LRMDA: variants seen among roughly 807,000 people sequenced by gnomAD.
LRMDA encodes the protein leucine-rich melanocyte differentiation-associated protein.
Under a neutral mutation model 29.8 loss-of-function variants are expected in LRMDA, and 18 were observed. The ratio of observed to expected loss-of-function variants is 0.60; its 90% CI spans 0.42 to 0.90. LRMDA has a LOEUF of 0.90. LRMDA is among the 40% of genes least tolerant of loss of function. LRMDA has a pLI of 0.00. For missense variants in LRMDA, 273 were observed against 273.9 expected (o/e 1.00, Z 0.02); for synonymous variants, 125 against 109.4 (o/e 1.14, Z -0.89).
intron 2 of LRMDA, among the ~76,000 whole-genome samples, chr10:75,608,246 T>C (rs1840984111): frequency 6.6e-6 from 1 of 151,748 alleles, no homozygotes; most frequent in South Asian, 2.1e-4. Context: ...AGAAGACTAC[T>C]GCATGATCTC....
At chr10:75,646,344 C>T (rs1841521071) in intron 2 of LRMDA, among the ~76,000 whole-genome samples, 1 of 152,156 alleles carries the variant, frequency 6.6e-6, no homozygotes, top group Admixed American at 6.5e-5. Flanking sequence ...CTCCCTTCTT[C>T]CACCTCCCTC....
In LRMDA at chr10:76,340,515, CA is replaced by C. The variant is rs1174024731; in HGVS notation, c.601+16052del. ...TAGGTGACAGAGTGAGAACCTGTAT[CA>C]AAAAAAAAAAAAAAAAAAAAAGAGA... On this transcript the variant is annotated intron_variant, in intron 6 of 6. Coordinates refer to ENST00000611255, the MANE Select transcript of LRMDA (RefSeq NM_001305581.2). 9.8e-4 allele frequency among the ~76,000 whole-genome samples: 74 copies of C among 75,756 alleles called. No individual in the cohort carries two copies. The South Asian group carries it at 0.017, about 18-fold the overall frequency. The allele number at this position is 75,756 out of a possible 152,430, so 49.7% of individuals were successfully genotyped here.
At chr10:76,272,669 A>C (rs752892330) in intron 5 of LRMDA, among the ~76,000 whole-genome samples, 2 of 152,154 alleles carry the variant, frequency 1.3e-5, no homozygotes, top group South Asian at 4.1e-4. Context: ...GGCCTGTATT[A>C]GTTTGTTCTC....
chr10:75,752,037 A>T (rs1322719718), intron 2 of LRMDA, among the ~76,000 whole-genome samples: 2 of 149,506 alleles, frequency 1.3e-5, no homozygotes, highest in Non-Finnish European at 3.0e-5. Flanking sequence ...ATAAATAAAT[A>T]TATATATATA....
chr10:76,339,260 C>T (rs11001733), intron 6 of LRMDA, among the ~76,000 whole-genome samples: 8,241 of 140,796 alleles, frequency 0.059, 320 homozygotes, highest in Non-Finnish European at 0.086. Flanking sequence ...AGACTTCCTT[C>T]CCCCTCCTTC....
chr10:76,186,237 G>A, intron 5 of LRMDA, among the ~76,000 whole-genome samples: 1 of 152,198 alleles, frequency 6.6e-6, no homozygotes, highest in East Asian at 1.9e-4. Flanking sequence ...GGCCTGGAAG[G>A]CAGAAATTCT....
intron 6 of LRMDA, among the ~76,000 whole-genome samples, chr10:76,330,965 A>T (rs948262680): frequency 1.3e-5 from 2 of 152,158 alleles, no homozygotes; most frequent in Admixed American, 1.3e-4. Context: ...CCTCTTGGTT[A>T]TCACTGACCA....
At chr10:76,120,090 G>A (rs533889671) in intron 5 of LRMDA, among the ~76,000 whole-genome samples, 2 of 151,904 alleles carry the variant, frequency 1.3e-5, no homozygotes, top group South Asian at 2.1e-4. Context: ...TCAATTACCT[G>A]TATAGCTTTT....
chr10:75,494,713 C>T, intron 2 of LRMDA, among the ~76,000 whole-genome samples: 1 of 152,046 alleles, frequency 6.6e-6, no homozygotes, highest in East Asian at 1.9e-4. Context: ...GTTGGCCAGG[C>T]TGGTCTTGAA....
chr10:75,537,309 A>G (rs1046262256), intron 2 of LRMDA, among the ~76,000 whole-genome samples: 3 of 152,136 alleles, frequency 2.0e-5, no homozygotes, highest in African/African-American at 7.2e-5. Context: ...GCCCCTGAGA[A>G]TACTCCTAAG....
intron 6 of LRMDA, among the ~76,000 whole-genome samples, chr10:76,418,501 G>C (rs1297228204): frequency 6.6e-6 from 1 of 151,942 alleles, no homozygotes; most frequent in Non-Finnish European, 1.5e-5. Context: ...TTTGAAGCCA[G>C]AAACCTTGCT....
chr10:76,134,435 T>C (rs1850056963), intron 5 of LRMDA, among the ~76,000 whole-genome samples: 1 of 152,180 alleles, frequency 6.6e-6, no homozygotes, highest in Non-Finnish European at 1.5e-5. Flanking sequence ...CTAAGACCCC[T>C]CCTAACATGG....
intron 2 of LRMDA, among the ~76,000 whole-genome samples, chr10:75,443,869 G>A (rs1844359666): frequency 6.6e-6 from 1 of 152,058 alleles, no homozygotes; most frequent in African/African-American, 2.4e-5. Context: ...CCCTATTATT[G>A]ATCTGCTTGG....
chr10:76,112,716 A>G (rs1471662518), intron 5 of LRMDA, among the ~76,000 whole-genome samples: 2 of 152,336 alleles, frequency 1.3e-5, no homozygotes, highest in Non-Finnish European at 1.5e-5. Context: ...CCCCAGTGCA[A>G]TCTTAATGCC....
chr10:75,732,318 A>G (rs374351696), intron 2 of LRMDA, among the ~76,000 whole-genome samples: 21 of 152,222 alleles, frequency 1.4e-4, no homozygotes, highest in African/African-American at 3.6e-4. Flanking sequence ...AGACCAAACC[A>G]TGGGTAGGAA....
At position 75,984,182 on chromosome 10, in the gene LRMDA, A is replaced by T. The variant is rs371694726; in HGVS notation, c.132-51826A>T. On this transcript the variant is annotated intron_variant, in intron 2 of 6. Coordinates refer to ENST00000611255, the MANE Select transcript of LRMDA (RefSeq NM_001305581.2). Reference sequence around the variant, plus strand: ...GTTCTTGCTGAGCTAATCTCCCTGCAGCAAGAGGACACTAAGTACTGGCCG... The same window carrying T: ...GTTCTTGCTGAGCTAATCTCCCTGCTGCAAGAGGACACTAAGTACTGGCCG... 6.6e-5 allele frequency among the ~76,000 whole-genome samples: 10 copies of T among 150,984 alleles called. No homozygotes were observed. In the East Asian group the frequency reaches 1.7e-3, roughly 26 times the overall value.
intron 2 of LRMDA, among the ~76,000 whole-genome samples, chr10:75,850,864 G>A (rs1383514840): frequency 1.3e-5 from 2 of 152,150 alleles, no homozygotes; most frequent in African/African-American, 2.4e-5. Flanking sequence ...AAACAGTAGT[G>A]TTCTGGGCAG....
intron 5 of LRMDA, among the ~76,000 whole-genome samples, chr10:76,151,472 A>G (rs1850442959): frequency 1.3e-5 from 2 of 151,986 alleles, no homozygotes; most frequent in Non-Finnish European, 2.9e-5. Flanking sequence ...TGTCTGTTTG[A>G]TACTAGAATG....
intron 6 of LRMDA, among the ~76,000 whole-genome samples, chr10:76,326,858 G>T (rs1840839479): frequency 6.6e-6 from 1 of 152,164 alleles, no homozygotes; most frequent in African/African-American, 2.4e-5. Context: ...GTTGCTTGTA[G>T]ATAATCCATA....
Sources: gnomAD v4.1 joint callset for allele counts (sites outside exome capture counted in the v4.1 genomes callset) on GRCh38, gnomAD v4.1.1 for gene constraint, MANE v1.5 for transcripts, NCBI Gene and HGNC (gene_info 2026-07-23, HGNC 2026-07-21) for gene names.